The following NEIL1 variants were observed in gnomAD, a reference collection of about 807,000 sequenced individuals.
NEIL1 encodes nei like DNA glycosylase 1, also known as endonuclease 8-like 1.
In NEIL1, 31 loss-of-function variants were observed where a neutral mutation model predicts 44.2. That is an observed-to-expected ratio of 0.70 (90% CI 0.53 to 0.95). NEIL1 has a LOEUF of 0.95. Among genes scored for constraint, NEIL1 ranks in the 40% least tolerant of loss-of-function variants. The pLI is 0.00. For missense variants in NEIL1, 549 were observed against 515.5 expected, an observed-to-expected ratio of 1.07 and a Z score of -0.63; for synonymous variants, 254 against 209.7, an observed-to-expected ratio of 1.21 and a Z score of -1.83.
chr15:75,347,654 G>A, intron 1 of NEIL1, 181 bp downstream of exon 1: 1 of 271,472 alleles, frequency 3.7e-6, no homozygotes, highest in Non-Finnish European at 5.8e-6. Flanking sequence ...GCGGAACGGA[G>A]TGCGGGTTCC....
Position 75,354,416 on chromosome 15 carries a change from ACCAGTGT to A in NEIL1, c.875-12_875-6del. The stretch of plus-strand genomic sequence containing the variant: ...CAGGATAGGACCCTCCAACTCCAAC[ACCAGTGT>A]CCTGCAGGGCGCAAGTCCCGCAAAA... On this transcript the variant is annotated splice_region_variant and splice_polypyrimidine_tract_variant and intron_variant, in intron 7 of 9. Transcript: ENST00000355059. 1 of 1,614,088 alleles carries A rather than the reference ACCAGTGT, an allele frequency of 6.2e-7. No individual in the cohort carries two copies. Among genetic ancestry groups the A allele is most frequent in the Non-Finnish European group, 8.5e-7 (1 of 1,179,974 alleles).
At position 75,352,662 on chromosome 15, in the gene NEIL1, G is replaced by C; in HGVS notation, c.679G>C (p.Glu227Gln). 6.2e-7 allele frequency: 1 copy of C among 1,613,346 alleles called. No individual in the cohort carries two copies. The highest frequency in any genetic ancestry group is 8.5e-7 in the Non-Finnish European group (1 of 1,179,648). The change falls in exon 5 of 10, where the codon GAG becomes CAG. Residue 227 changes from glutamate (E) to glutamine (Q), a missense_variant. By Grantham distance (29) the Glu-to-Gln change is conservative. Transcript: ENST00000355059. The stretch of plus-strand genomic sequence containing the variant: ...CAAGCTGCAGAATCCAGACCTGCTG[G>C]AGCTATGTCACTCAGTGCCCAAGGA... Reference protein sequence around the residue: ...RTKLQNPDLLELCHSVPKEVV... With the variant: ...RTKLQNPDLLQLCHSVPKEVV...
intron 1 of NEIL1, chr15:75,347,710 G>A (rs1306116550): frequency 2.6e-6 from 2 of 756,646 alleles, no homozygotes; most frequent in Non-Finnish European, 3.4e-6. Context: ...TGCGCTGTAG[G>A]GCTAAGGAGA....
Position 75,352,143 on chromosome 15 carries a change from C to T in NEIL1, c.467C>T (p.Ala156Val). ...GTGCTACGAAACCTAGCGGATAAGG[C>T]CTTTGACCGGCCCATCTGCGAGGCC... is the stretch of plus-strand genomic sequence containing the variant. ...ENVLRNLADK[A>V]FDRPICEALL... is the part of the protein sequence containing the mutation. The change falls in exon 3 of 10, where the codon GCC becomes GTC. Residue 156 changes from alanine to valine, a missense_variant. By Grantham distance (64) the Ala-to-Val change is moderately conservative. Coordinates refer to ENST00000355059, the MANE Select transcript of NEIL1 (RefSeq NM_024608.4). 1 of 1,614,150 alleles carries T rather than the reference C, an allele frequency of 6.2e-7. No homozygotes were observed. Among genetic ancestry groups the T allele is most frequent in the Non-Finnish European group, 8.5e-7 (1 of 1,179,992 alleles).
chr15:75,352,567 C>T (rs766000020), intron 4 of NEIL1, 35 bp from the exon 5 acceptor site: 1 of 1,596,720 alleles, frequency 6.3e-7, no homozygotes, highest in South Asian at 1.1e-5. Context: ...CATGGCCCTG[C>T]TGACAGACAG....
At position 75,354,975 on chromosome 15, in the gene NEIL1, C is replaced by T; in HGVS notation, c.1114C>T (p.Pro372Ser). 6.2e-7 allele frequency: 1 copy of T among 1,614,108 alleles called. No individual in the cohort carries two copies. The highest frequency in any genetic ancestry group is 2.2e-5 in the East Asian group (1 of 44,880). Residue 372 changes from proline to serine, a missense_variant, in exon 10 of 10, where the codon CCC (proline) becomes TCC (serine). Transcript: ENST00000355059. Reference sequence around the variant, plus strand: ...TGTTCTTCCCCCAGGCCACTGCAGACCCCGGAAGGTCAAGGCTGACATCCC... The same window carrying T: ...TGTTCTTCCCCCAGGCCACTGCAGATCCCGGAAGGTCAAGGCTGACATCCC... ...GRQAASGHCR[P>S]RKVKADIPSL...
At position 75,355,549 on chromosome 15, in the gene NEIL1, C is replaced by T. The variant is rs1185733173; in HGVS notation, c.*515C>T. 4 of 264,532 alleles carry T rather than the reference C, an allele frequency of 1.5e-5. No homozygotes were observed. Among genetic ancestry groups the T allele is most frequent in the Admixed American group, 5.1e-5 (1 of 19,672 alleles). 16.4% of individuals were successfully genotyped at this position (264,532 alleles called of 1,614,324 possible). A position where few individuals can be genotyped will look rare whatever the true frequency, so the allele number is the denominator to read the frequency against. Reference sequence around the variant, plus strand: ...CCACCCTTCGGCCCCTCCCCAGCCCCAGGCCCAGGCCCTTTACCTGCTGGC... The same window carrying T: ...CCACCCTTCGGCCCCTCCCCAGCCCTAGGCCCAGGCCCTTTACCTGCTGGC... On this transcript the variant is annotated 3_prime_UTR_variant, in exon 10 of 10. Coordinates refer to ENST00000355059, the MANE Select transcript of NEIL1 (RefSeq NM_024608.4).
rs1270896669 is a variant in NEIL1 at position 75,349,247 on chromosome 15, C to T, written c.342C>T (p.Phe114=). 2 of 1,610,988 alleles carry T rather than the reference C, an allele frequency of 1.2e-6. No individual in the cohort carries two copies. Among genetic ancestry groups the T allele is most frequent in the Non-Finnish European group, 8.5e-7 (1 of 1,179,878 alleles). ...CTGGCCCCCGGCTCGCCCTATGTTT[C>T]GTGGACATCCGCCGGTTCGGCCGCT... is the stretch of plus-strand genomic sequence containing the variant. ...APPGPRLALC[F]VDIRRFGRWD... Residue 114 remains phenylalanine, a synonymous_variant, in exon 2 of 10, where the codon TTC becomes TTT. Coordinates refer to ENST00000355059, the MANE Select transcript of NEIL1 (RefSeq NM_024608.4).
rs1200418233 is a variant in NEIL1 at position 75,355,180 on chromosome 15, C to T, written c.*146C>T. 2.6e-5 allele frequency: 17 copies of T among 641,514 alleles called. No homozygotes were observed. Among genetic ancestry groups the T allele is most frequent in the Non-Finnish European group, 4.3e-5 (16 of 368,324 alleles). The allele number at this position is 641,514 out of a possible 1,614,324, so 39.7% of individuals were successfully genotyped here. On this transcript the variant is annotated 3_prime_UTR_variant, in exon 10 of 10. Transcript: ENST00000355059. The stretch of plus-strand genomic sequence containing the variant: ...CACAACTCTCATGGTTTTAATTGTA[C>T]CCCATCTTCCACATCTTTAAAGCTC...
At position 75,356,207 on chromosome 15, in the gene NEIL1, G is replaced by T; in HGVS notation, c.*1173G>T. 1.2e-6 allele frequency: 2 copies of T among 1,613,278 alleles called. No individual in the cohort carries two copies. Among genetic ancestry groups the T allele is most frequent in the South Asian group, 2.2e-5 (2 of 91,054 alleles). Reference sequence around the variant, plus strand: ...CTCAGGACCAGCGAGCGGCGCTGGGGGCTGCTCTCCGCCTGCAGAGGAACA... The same window carrying T: ...CTCAGGACCAGCGAGCGGCGCTGGGTGCTGCTCTCCGCCTGCAGAGGAACA... On this transcript the variant is annotated 3_prime_UTR_variant, in exon 10 of 10. Transcript: ENST00000355059. This position sits in a 1 kb window ranked among gnomAD's most constrained non-coding sequence, Gnocchi z 5.8.
In NEIL1 at chr15:75,354,811, A is replaced by G. The variant is rs1376510870; in HGVS notation, c.1095A>G (p.Ala365=). Residue 365 remains alanine (A), a synonymous_variant, in exon 9 of 10, where the codon GCA becomes GCG. Coordinates refer to ENST00000355059, the MANE Select transcript of NEIL1 (RefSeq NM_024608.4). Reference sequence around the variant, plus strand: ...AGGGGAGGAGGAAGGGGCGACAGGCAGCCTCTGGTGGGCTTTCCTCATCAC... The same window carrying G: ...AGGGGAGGAGGAAGGGGCGACAGGCGGCCTCTGGTGGGCTTTCCTCATCAC... ...PKKGRRKGRQ[A]ASGHCRPRKV... is the part of the protein sequence containing the mutation. The G allele has an allele frequency of 1.9e-6, 3 of 1,613,912 alleles. No individual in the cohort carries two copies. The East Asian group carries it at 6.7e-5, about 36-fold the overall frequency.
chr15:75,348,084 C>T, intron 1 of NEIL1: 1 of 982,862 alleles, frequency 1.0e-6, no homozygotes. Context: ...CCCTTTCCCT[C>T]CCCCAGGCCC....
Position 75,348,524 on chromosome 15 carries a change from AG to A in NEIL1, c.-22-356del. The A allele has an allele frequency of 4.4e-6, 5 of 1,126,998 alleles. No homozygotes were observed. In the African/African-American group the frequency reaches 6.4e-5, roughly 14 times the overall value. 69.8% of individuals were successfully genotyped at this position (1,126,998 alleles called of 1,614,324 possible). ...CAAGTGTCTGGGACAGAGGGACAGC[AG>A]GGGCCAAGGCGGAGATGAGATCCGT... On this transcript the variant is annotated intron_variant, in intron 1 of 9. Transcript: ENST00000355059.
Position 75,356,628 on chromosome 15 carries a change from G to C in NEIL1, c.*1594G>C. The C allele has an allele frequency of 6.4e-7, 1 of 1,566,444 alleles. No homozygotes were observed. Among genetic ancestry groups the C allele is most frequent in the Non-Finnish European group, 8.7e-7 (1 of 1,155,974 alleles). ...CACCCTTGTGCGGCATCAGTGCATA[G>C]GTGAACTCGTGGCGCCCCGTGTCAG... On this transcript the variant is annotated 3_prime_UTR_variant, in exon 10 of 10. Transcript: ENST00000355059. This position sits in a 1 kb window ranked among gnomAD's most constrained non-coding sequence, Gnocchi z 5.8.
rs751427324 is a variant in NEIL1, at chr15:75,354,944, C to G, written c.1103-20C>G. ...AGCCCCTGGAGTCTTAGCTGACCATCTTGCCTGTTCTTCCCCCAGGCCACT... is the reference window on the plus strand; with the variant it reads ...AGCCCCTGGAGTCTTAGCTGACCATGTTGCCTGTTCTTCCCCCAGGCCACT... On this transcript the variant is annotated intron_variant, in intron 9 of 9. Transcript: ENST00000355059. 6.2e-7 allele frequency: 1 copy of G among 1,613,700 alleles called. No homozygotes were observed. Among genetic ancestry groups the G allele is most frequent in the Non-Finnish European group, 8.5e-7 (1 of 1,179,836 alleles).
At position 75,356,776 on chromosome 15, in the gene NEIL1, G is replaced by A; in HGVS notation, c.*1742G>A. 1 of 1,613,850 alleles carries A rather than the reference G, an allele frequency of 6.2e-7. No homozygotes were observed. Among genetic ancestry groups the A allele is most frequent in the Non-Finnish European group, 8.5e-7 (1 of 1,179,878 alleles). The stretch of plus-strand genomic sequence containing the variant: ...TTCTCCATGCCAGCTCCCAGGCCTG[G>A]TGGGTACCCCACTTACAGCGAGAGG... On this transcript the variant is annotated 3_prime_UTR_variant, in exon 10 of 10. Coordinates refer to ENST00000355059, the MANE Select transcript of NEIL1 (RefSeq NM_024608.4). The surrounding 1 kb of genome is among the most constrained non-coding windows in gnomAD (Gnocchi z 5.8).
rs368185377 is a variant in NEIL1, at chr15:75,348,900, C to T, written c.-6C>T. On this transcript the variant is annotated 5_prime_UTR_variant, in exon 2 of 10. Coordinates refer to ENST00000355059, the MANE Select transcript of NEIL1 (RefSeq NM_024608.4). ...CCCCAACAGGACTCTGCCACCCTCC[C>T]TCAGGATGCCTGAGGGCCCCGAGCT... 3.1e-6 allele frequency: 5 copies of T among 1,609,766 alleles called. No homozygotes were observed. The highest frequency in any genetic ancestry group is 4.2e-6 in the Non-Finnish European group (5 of 1,179,366).
chr15:75,352,395 CAG>C lies in NEIL1; in HGVS notation c.618+13_618+14del. 1 of 1,613,348 alleles carries C rather than the reference CAG, an allele frequency of 6.2e-7. No homozygotes were observed. ...CTGCAGCAGCACAGGCCGGTAAGCCCAGAGAGGGATGGAGCACACGTGCTGGC... is the reference window on the plus strand; with the variant it reads ...CTGCAGCAGCACAGGCCGGTAAGCCCAGAGGGATGGAGCACACGTGCTGGC... On this transcript the variant is annotated intron_variant, in intron 4 of 9. Transcript: ENST00000355059.
rs2072216515 is a variant in NEIL1 at position 75,354,725 on chromosome 15, A to G, written c.1009A>G (p.Thr337Ala). The change falls in exon 9 of 10, where the codon ACC (threonine) becomes GCC (alanine). Residue 337 changes from threonine to alanine, a missense_variant. Coordinates refer to ENST00000355059, the MANE Select transcript of NEIL1 (RefSeq NM_024608.4). ...AKRDLPKRTA[T>A]QRPEGTSLQQ... Reference sequence around the variant, plus strand: ...GAGAGACCTTCCTAAGAGGACTGCAACCCAGCGGCCTGAGGGGACCAGCCT... The same window carrying G: ...GAGAGACCTTCCTAAGAGGACTGCAGCCCAGCGGCCTGAGGGGACCAGCCT... 1 of 1,614,112 alleles carries G rather than the reference A, an allele frequency of 6.2e-7. No homozygotes were observed. The highest frequency in any genetic ancestry group is 2.2e-5 in the East Asian group (1 of 44,882).
Sources: gnomAD v4.1 joint callset for allele counts on GRCh38, gnomAD v4.1.1 for gene constraint, Gnocchi (gnomAD v3.1) non-coding constraint, MANE v1.5 for transcripts, NCBI Gene and HGNC (gene_info 2026-07-23, HGNC 2026-07-21) for gene names.